CYP27C1: variants seen among roughly 807,000 people sequenced by gnomAD.
CYP27C1 encodes cytochrome P450 27C1.
In CYP27C1, 29 loss-of-function variants were observed where a neutral mutation model predicts 40.6. The observed-to-expected ratio is 0.71, with a 90% CI of 0.53 to 0.97. CYP27C1 has a LOEUF of 0.97. Among genes scored for constraint, CYP27C1 ranks in the 50% least tolerant of loss-of-function variants. The pLI is 0.00. For synonymous variants in CYP27C1, 198 were observed against 186.8 expected (o/e 1.06, Z -0.49); for missense variants, 390 against 485.8 (o/e 0.80, Z 1.85).
chr2:127,205,847 TC>T (rs35035604), intron 2 of CYP27C1, 52 bp downstream of exon 2: 301,466 of 723,448 alleles, frequency 0.42, 65,715 homozygotes, highest in East Asian at 0.62. Context: ...GGAGGGGGCC[TC>T]CCCCTGAGCT....
At chr2:127,217,750 G>C (rs1683460273) in intron 1 of CYP27C1, among the ~76,000 whole-genome samples, 1 of 152,204 alleles carries the variant, frequency 6.6e-6, no homozygotes, top group Non-Finnish European at 1.5e-5. Flanking sequence ...GAGCTATGTA[G>C]GTGAACACTA....
chr2:127,201,147 C>T lies in CYP27C1; in HGVS notation c.858G>A (p.Arg286=). Residue 286 remains arginine, a synonymous_variant, in exon 4 of 9, where the codon AGG becomes AGA. Transcript: ENST00000664447. The surrounding 1 kb of genome is among the most constrained non-coding windows in gnomAD (Gnocchi z 6.0). The part of the protein sequence containing the change: ...FIPKPWREFC[R]SWDGLFKFSQ... ...TGAATTTGAAGAGTCCATCCCAGGACCTGCAGAATTCCCGCCAGGGCTTTG... is the reference window on the plus strand; with the variant it reads ...TGAATTTGAAGAGTCCATCCCAGGATCTGCAGAATTCCCGCCAGGGCTTTG... The T allele has an allele frequency of 2.5e-6, 4 of 1,613,750 alleles. No homozygotes were observed. The highest frequency in any genetic ancestry group is 2.2e-5 in the East Asian group (1 of 44,878).
chr2:127,188,275 G>A (rs905472887), intron 8 of CYP27C1, among the ~76,000 whole-genome samples: 4 of 152,180 alleles, frequency 2.6e-5, no homozygotes, highest in Non-Finnish European at 5.9e-5. Flanking sequence ...AGAATGGGCT[G>A]GGGCTCCAGG....
Position 127,208,278 on chromosome 2 carries a change from G to A in CYP27C1, c.283-2188C>T, listed in dbSNP as rs1481899060. ...GCAGTGGCCCACCTGGAAGCCACAC[G>A]GGGAAGGGAACCCACTCCCCCCAGC... On this transcript the variant is annotated intron_variant, in intron 1 of 8. Transcript: ENST00000664447. This position sits in a 1 kb window ranked among gnomAD's most constrained non-coding sequence, Gnocchi z 5.2. 2.6e-5 allele frequency among the ~76,000 whole-genome samples: 4 copies of A among 152,308 alleles called. No homozygotes were observed. The highest frequency in any genetic ancestry group is 2.6e-4 in the Admixed American group (4 of 15,292).
At chr2:127,206,744 C>G (rs1683236260) in intron 1 of CYP27C1, among the ~76,000 whole-genome samples, 2 of 152,146 alleles carry the variant, frequency 1.3e-5, no homozygotes, top group African/African-American at 4.8e-5. Flanking sequence ...ACAGCTCTAC[C>G]CAAGCAGTAC....
At chr2:127,211,512 A>G (rs921443504) in intron 1 of CYP27C1, among the ~76,000 whole-genome samples, 1 of 151,096 alleles carries the variant, frequency 6.6e-6, no homozygotes, top group Non-Finnish European at 1.5e-5. Context: ...CCTCCCGAGT[A>G]GCTGGGACTA....
intron 8 of CYP27C1, among the ~76,000 whole-genome samples, chr2:127,189,258 T>C (rs1682708981): frequency 6.6e-6 from 1 of 151,940 alleles, no homozygotes; most frequent in African/African-American, 2.4e-5. Flanking sequence ...CAAATATCTT[T>C]TTCCTGATTT....
In CYP27C1 at chr2:127,205,972, GGCGCA is replaced by G. The variant is rs1200678681; in HGVS notation, c.396_400del (p.Ala133ProfsTer27). On this transcript the variant is annotated frameshift_variant, in exon 2 of 9. Transcript: ENST00000664447. LOFTEE classifies it high-confidence loss of function. ...CCAGGACTCCATGTTGGCTCTCTGGGGCGCAGCGCCCTCCGCCCGGAGCACCTGAG... is the reference window on the plus strand; with the variant it reads ...CCAGGACTCCATGTTGGCTCTCTGGGGCGCCCTCCGCCCGGAGCACCTGAG... Among the ~76,000 whole-genome samples the G allele has an allele frequency of 6.6e-6, 1 of 152,230 alleles. No homozygotes were observed. Among genetic ancestry groups the G allele is most frequent in the Non-Finnish European group, 1.5e-5 (1 of 68,046 alleles).
At chr2:127,198,985 G>A (rs1379091613) in intron 5 of CYP27C1, among the ~76,000 whole-genome samples, 1 of 152,202 alleles carries the variant, frequency 6.6e-6, no homozygotes, top group Non-Finnish European at 1.5e-5. Flanking sequence ...AAACAAATCT[G>A]CCTTAAAAGT....
rs146708794 is a variant in CYP27C1 at position 127,196,736 on chromosome 2, T to G, written c.1048-1235A>C. The stretch of plus-strand genomic sequence containing the variant: ...ATTTTTATGGAAAAAATGTGGTATA[T>G]CCATACAATGGAATACTACTTAGTA... On this transcript the variant is annotated intron_variant, in intron 5 of 8. Coordinates refer to ENST00000664447, the MANE Select transcript of CYP27C1 (RefSeq NM_001367502.1). This position sits in a 1 kb window ranked among gnomAD's most constrained non-coding sequence, Gnocchi z 4.5. 1.3e-5 allele frequency among the ~76,000 whole-genome samples: 2 copies of G among 152,280 alleles called. No homozygotes were observed. Among genetic ancestry groups the G allele is most frequent in the Admixed American group, 6.5e-5 (1 of 15,300 alleles).
Position 127,204,464 on chromosome 2 carries a change from GAA to G in CYP27C1, c.474-895_474-894del, listed in dbSNP as rs1324748140. ...AAAAAGAAAGAAAGAAAGAAAGAAA[GAA>G]AGAAAGAAAGAAAGAAAGAAAGGAA... On this transcript the variant is annotated intron_variant, in intron 2 of 8. Coordinates refer to ENST00000664447, the MANE Select transcript of CYP27C1 (RefSeq NM_001367502.1). Among the ~76,000 whole-genome samples, 60 of 70,696 alleles carry G rather than the reference GAA, an allele frequency of 8.5e-4. 3 individuals are homozygous for G. The highest frequency in any genetic ancestry group is 2.5e-3 in the Admixed American group (15 of 5,898). The allele number at this position is 70,696 out of a possible 152,430, so 46.4% of individuals were successfully genotyped here.
intron 2 of CYP27C1, 22 bp downstream of exon 2, chr2:127,205,878 C>G: frequency 4.4e-6 from 2 of 453,524 alleles, no homozygotes; most frequent in Non-Finnish European, 5.8e-6. Context: ...GCCCGTGGCT[C>G]AGCCCGGGCC....
chr2:127,204,570 A>AAAGG, intron 2 of CYP27C1, among the ~76,000 whole-genome samples: 4 of 76,260 alleles, frequency 5.2e-5, no homozygotes, highest in African/African-American at 2.3e-4. Flanking sequence ...AGAAAGAAAG[A>AAAGG]AAGAAAGAAA....
intron 8 of CYP27C1, among the ~76,000 whole-genome samples, chr2:127,190,791 C>T (rs1682751537): frequency 6.7e-6 from 1 of 148,374 alleles, no homozygotes; most frequent in African/African-American, 2.5e-5. Flanking sequence ...ACTAAAGATA[C>T]AAAAAATTAG....
intron 8 of CYP27C1, among the ~76,000 whole-genome samples, chr2:127,190,331 CTTTTTTTTTTCTT>C (rs1465259189): frequency 1.7e-5 from 2 of 120,228 alleles, no homozygotes; most frequent in African/African-American, 6.7e-5. Flanking sequence ...TGTGGCTTCT[CTTTTTTTTTTCTT>C]TTTTTTTTTT....
At position 127,184,915 on chromosome 2, in the gene CYP27C1, A is replaced by C. The variant is rs1682584154; in HGVS notation, c.*2356T>G. On this transcript the variant is annotated 3_prime_UTR_variant, in exon 9 of 9. Transcript: ENST00000664447. ...GCTCACTGCAGCCTCAACCTCCCAG[A>C]CTTAAGCAATCCTCCAGCCTCAGCC... The C allele has an allele frequency of 6.6e-6, 1 of 151,648 alleles. No homozygotes were observed. Among genetic ancestry groups the C allele is most frequent in the Non-Finnish European group, 1.5e-5 (1 of 68,026 alleles). 9.4% of individuals were successfully genotyped at this position (151,648 alleles called of 1,614,324 possible). A position where few individuals can be genotyped will look rare whatever the true frequency, so the allele number is the denominator to read the frequency against.
At chr2:127,211,503 C>G (rs1446158880) in intron 1 of CYP27C1, among the ~76,000 whole-genome samples, 1 of 151,236 alleles carries the variant, frequency 6.6e-6, no homozygotes, top group Non-Finnish European at 1.5e-5. Context: ...CTGCCTCAAC[C>G]TCCCGAGTAG....
chr2:127,205,910 G>C lies in CYP27C1; in HGVS notation c.463C>G (p.Leu155Val), dbSNP rs907373353. 8.1e-6 allele frequency: 2 copies of C among 246,690 alleles called. No homozygotes were observed. Among genetic ancestry groups the C allele is most frequent in the African/African-American group, 4.6e-5 (2 of 43,108 alleles). The allele number at this position is 246,690 out of a possible 1,614,324, so 15.3% of individuals were successfully genotyped here. The change falls in exon 2 of 9, where the codon CTC becomes GTC. Residue 155 changes from leucine (L) to valine (V), a missense_variant. Leu to Val is a conservative substitution (Grantham distance 32). Coordinates refer to ENST00000664447, the MANE Select transcript of CYP27C1 (RefSeq NM_001367502.1). ...YRDLRGRATG[L>V]ISAEGEQWLK... ...GGCCCACATACTCACGCCGAGATGA[G>C]CCCGGTGGCTCTCCCCCGCAAGTCT...
intron 2 of CYP27C1, among the ~76,000 whole-genome samples, chr2:127,204,402 GAGAA>G (rs1384363669): frequency 4.4e-5 from 5 of 113,366 alleles, no homozygotes; most frequent in African/African-American, 1.3e-4. Flanking sequence ...GAAAGAGAGA[GAGAA>G]AGAAAGAAAA....
Sources: allele counts gnomAD v4.1 joint callset (sites outside exome capture counted in the v4.1 genomes callset), GRCh38; gene constraint gnomAD v4.1.1; non-coding constraint Gnocchi (gnomAD v3.1); transcripts MANE v1.5; gene names NCBI Gene and HGNC (gene_info 2026-07-23, HGNC 2026-07-21).